Variants in DHH observed in about 807,000 individuals in gnomAD.
The protein encoded by DHH is desert hedgehog signaling molecule, also known as desert hedgehog protein.
DHH carries 16 observed loss-of-function variants against 27.6 expected under a neutral mutation model. The ratio of observed to expected loss-of-function variants is 0.58; its 90% confidence interval spans 0.39 to 0.88. The LOEUF (loss-of-function observed/expected upper bound fraction) is 0.88, where lower values mean the gene tolerates loss of function less well. DHH is among the 40% of genes least tolerant of loss of function. The pLI, the probability that DHH is intolerant of heterozygous loss-of-function variation, is 0.00. For missense variants in DHH, 436 were observed against 563.1 expected, an observed-to-expected ratio of 0.77 and a Z score of 2.28; for synonymous variants, 289 against 263.4, an observed-to-expected ratio of 1.10 and a Z score of -0.94.
rs1206690631 is a variant in DHH at position 49,090,195 on chromosome 12, G to A, written c.855C>T (p.Asp285=). ...AARGPAPAPG[D]FAPVFARRLR... ...GCCGGCGCGCGAACACCGGTGCAAA[G>A]TCGCCTGGCGCGGGCGCCGGCCCTC... Residue 285 remains aspartate, a synonymous_variant, in exon 3 of 3, where the codon GAC becomes GAT. Coordinates refer to ENST00000649637, the MANE Select transcript of DHH (RefSeq NM_021044.4). The surrounding 1 kb of genome is among the most constrained non-coding windows in gnomAD (Gnocchi z 5.2). 1 of 1,550,114 alleles carries A rather than the reference G, an allele frequency of 6.5e-7. No individual in the cohort carries two copies. The highest frequency in any genetic ancestry group is 8.7e-7 in the Non-Finnish European group (1 of 1,147,058).
rs2120814348 is a variant in DHH at position 49,088,192 on chromosome 12, A to G, written c.*1667T>C. Among the ~76,000 whole-genome samples, 1 of 152,266 alleles carries G rather than the reference A, an allele frequency of 6.6e-6. No homozygotes were observed. Among genetic ancestry groups the G allele is most frequent in the African/African-American group, 2.4e-5 (1 of 41,554 alleles). On this transcript the variant is annotated 3_prime_UTR_variant, in exon 3 of 3. Transcript: ENST00000649637. The stretch of plus-strand genomic sequence containing the variant: ...CAGGAACCACAGAGCTAAACTAGGC[A>G]GGAGTGATGTAAAAGTGCCATGGTT...
rs964387809 is a variant in DHH, at chr12:49,087,512, G to A, written c.*2347C>T. Among the ~76,000 whole-genome samples, 3 of 152,162 alleles carry A rather than the reference G, an allele frequency of 2.0e-5. No homozygotes were observed. Among genetic ancestry groups the A allele is most frequent in the African/African-American group, 4.8e-5 (2 of 41,438 alleles). On this transcript the variant is annotated 3_prime_UTR_variant, in exon 3 of 3. Coordinates refer to ENST00000649637, the MANE Select transcript of DHH (RefSeq NM_021044.4). ...GAGCCCAGGAGTTCAAGACCAGCCTGGGCAACGTAGCAAGACTCTGTCTCT... is the reference window on the plus strand; with the variant it reads ...GAGCCCAGGAGTTCAAGACCAGCCTAGGCAACGTAGCAAGACTCTGTCTCT...
chr12:49,094,087 G>A, intron 1 of DHH, 123 bp downstream of exon 1: 1 of 1,156,196 alleles, frequency 8.6e-7, no homozygotes, highest in Non-Finnish European at 1.2e-6. Flanking sequence ...TGGGGCTGGT[G>A]ACAAGGGAAA....
chr12:49,093,510 G>T (rs1489699676), intron 1 of DHH, among the ~76,000 whole-genome samples: 2 of 152,194 alleles, frequency 1.3e-5, no homozygotes, highest in Non-Finnish European at 2.9e-5. Context: ...TCCAAGGAAA[G>T]CCCCTGAGAT....
rs1939218268 is a variant in DHH at position 49,086,799 on chromosome 12, T to C, written c.*3060A>G. On this transcript the variant is annotated 3_prime_UTR_variant, in exon 3 of 3. Coordinates refer to ENST00000649637, the MANE Select transcript of DHH (RefSeq NM_021044.4). ...GGGACATGAAGAGTCAACTTCTATATGTAAGGAAGTCTGGACTACTACAGA... is the reference window on the plus strand; with the variant it reads ...GGGACATGAAGAGTCAACTTCTATACGTAAGGAAGTCTGGACTACTACAGA... Among the ~76,000 whole-genome samples, 1 of 152,242 alleles carries C rather than the reference T, an allele frequency of 6.6e-6. No homozygotes were observed. The highest frequency in any genetic ancestry group is 2.1e-4 in the South Asian group (1 of 4,836).
In DHH at chr12:49,094,350, G is replaced by T. The variant is rs1487803627; in HGVS notation, c.163C>A (p.Arg55=). The stretch of plus-strand genomic sequence containing the variant: ...GCTGGCCCACTGGCGCCCAGGGTCC[G>T]CTCTGGCACGCCGGGCACAAATTGC... The part of the protein sequence containing the change: ...YKQFVPGVPE[R]TLGASGPAEG... Residue 55 remains arginine, a synonymous_variant, in exon 1 of 3, where the codon CGG becomes AGG. Coordinates refer to ENST00000649637, the MANE Select transcript of DHH (RefSeq NM_021044.4). 1 of 1,613,054 alleles carries T rather than the reference G, an allele frequency of 6.2e-7. No individual in the cohort carries two copies. Among genetic ancestry groups the T allele is most frequent in the Non-Finnish European group, 8.5e-7 (1 of 1,179,908 alleles).
At position 49,091,419 on chromosome 12, in the gene DHH, C is replaced by A; in HGVS notation, c.304-30G>T. 1 of 1,612,520 alleles carries A rather than the reference C, an allele frequency of 6.2e-7. No individual in the cohort carries two copies. Among genetic ancestry groups the A allele is most frequent in the Non-Finnish European group, 8.5e-7 (1 of 1,179,736 alleles). On this transcript the variant is annotated intron_variant, in intron 1 of 2. Coordinates refer to ENST00000649637, the MANE Select transcript of DHH (RefSeq NM_021044.4). The surrounding 1 kb of genome is among the most constrained non-coding windows in gnomAD (Gnocchi z 4.8). The stretch of plus-strand genomic sequence containing the variant: ...CGGGGAATAAAGGAGTCAGTCTCCC[C>A]ACCACCACCCTTGGGGCAAAAGGGA...
rs370606481 is a variant in DHH, at chr12:49,087,021, G to C, written c.*2838C>G. Among the ~76,000 whole-genome samples, 4 of 152,184 alleles carry C rather than the reference G, an allele frequency of 2.6e-5. No individual in the cohort carries two copies. Among genetic ancestry groups the C allele is most frequent in the Non-Finnish European group, 5.9e-5 (4 of 68,036 alleles). On this transcript the variant is annotated 3_prime_UTR_variant, in exon 3 of 3. Coordinates refer to ENST00000649637, the MANE Select transcript of DHH (RefSeq NM_021044.4). ...CAGCACAATCCTTCTCAACCATCCT[G>C]TCACGGAGGTATCATTATCCCCAGA...
At position 49,086,846 on chromosome 12, in the gene DHH, G is replaced by C. The variant is rs943297794; in HGVS notation, c.*3013C>G. ...CAGAAATGCTGCTAGTATACCTCCA[G>C]CTTCTGAAAGTGCTGTGACAAAACC... On this transcript the variant is annotated 3_prime_UTR_variant, in exon 3 of 3. Coordinates refer to ENST00000649637, the MANE Select transcript of DHH (RefSeq NM_021044.4). Among the ~76,000 whole-genome samples the C allele has an allele frequency of 3.3e-5, 5 of 152,176 alleles. No individual in the cohort carries two copies. Among genetic ancestry groups the C allele is most frequent in the African/African-American group, 1.2e-4 (5 of 41,422 alleles).
rs201628124 is a variant in DHH at position 49,094,286 on chromosome 12, T to C, written c.227A>G (p.Asp76Gly). 106 of 1,613,252 alleles carry C rather than the reference T, an allele frequency of 6.6e-5. No homozygotes were observed. In the African/African-American group the frequency reaches 1.3e-3, roughly 20 times the overall value. ...GTCGGGGTTGTAGTTGGGCACGAGG[T>C]CCCGGAAGCGCTCGGAGCCCCTTGC... ...RVARGSERFR[D>G]LVPNYNPDII... is the part of the protein sequence containing the mutation. Residue 76 changes from aspartate to glycine, a missense_variant, in exon 1 of 3, where the codon GAC (aspartate) becomes GGC (glycine). Asp to Gly is a moderately conservative substitution (Grantham distance 94). Coordinates refer to ENST00000649637, the MANE Select transcript of DHH (RefSeq NM_021044.4).
chr12:49,088,186 C>T lies in DHH; in HGVS notation c.*1673G>A, dbSNP rs946966159. On this transcript the variant is annotated 3_prime_UTR_variant, in exon 3 of 3. Coordinates refer to ENST00000649637, the MANE Select transcript of DHH (RefSeq NM_021044.4). ...AGCTTCCAGGAACCACAGAGCTAAA[C>T]TAGGCAGGAGTGATGTAAAAGTGCC... 1.3e-5 allele frequency among the ~76,000 whole-genome samples: 2 copies of T among 152,106 alleles called. No homozygotes were observed. The highest frequency in any genetic ancestry group is 4.8e-5 in the African/African-American group (2 of 41,408).
rs572101516 is a variant in DHH at position 49,094,515 on chromosome 12, A to T, written c.-3T>A. 1.9e-6 allele frequency: 3 copies of T among 1,552,948 alleles called. No homozygotes were observed. In the South Asian group the frequency reaches 3.5e-5, roughly 18 times the overall value. On this transcript the variant is annotated 5_prime_UTR_variant, in exon 1 of 3. Coordinates refer to ENST00000649637, the MANE Select transcript of DHH (RefSeq NM_021044.4). ...AGTAGATTGGTCAGGAGAGCCATGG[A>T]TACAGCGGACCTCGGCCAAAAGGGA... is the stretch of plus-strand genomic sequence containing the variant.
rs373175837 is a variant in DHH at position 49,094,214 on chromosome 12, G to C, written c.299C>G (p.Thr100Ser). ...EENSGADRLMTERCKERVNAL... is the reference protein window; with the variant it reads ...EENSGADRLMSERCKERVNAL... ...GTAGGGAGAGGCCCTCCTTACCTCGGTCATCAGGCGGTCGGCTCCACTGTT... is the reference window on the plus strand; with the variant it reads ...GTAGGGAGAGGCCCTCCTTACCTCGCTCATCAGGCGGTCGGCTCCACTGTT... The change falls in exon 1 of 3, where the codon ACC (threonine) becomes AGC (serine). Residue 100 changes from threonine (T) to serine (S), a missense_variant. Coordinates refer to ENST00000649637, the MANE Select transcript of DHH (RefSeq NM_021044.4). 1.9e-6 allele frequency: 3 copies of C among 1,613,450 alleles called. No individual in the cohort carries two copies. Among genetic ancestry groups the C allele is most frequent in the Middle Eastern group, 1.7e-4 (1 of 6,056 alleles).
rs904899289 is a variant in DHH, at chr12:49,089,013, C to A, written c.*846G>T. On this transcript the variant is annotated 3_prime_UTR_variant, in exon 3 of 3. Coordinates refer to ENST00000649637, the MANE Select transcript of DHH (RefSeq NM_021044.4). ...GGCATATCAGAAAAAACATCCACCC[C>A]ATCCAGGCCCTGCCACCAAGGTAGG... is the stretch of plus-strand genomic sequence containing the variant. Among the ~76,000 whole-genome samples the A allele has an allele frequency of 1.3e-5, 2 of 152,224 alleles. No homozygotes were observed. Among genetic ancestry groups the A allele is most frequent in the Non-Finnish European group, 2.9e-5 (2 of 68,038 alleles).
Position 49,094,766 on chromosome 12 carries a change from C to T in DHH, c.-254G>A, listed in dbSNP as rs577191826. On this transcript the variant is annotated 5_prime_UTR_variant, in exon 1 of 3. Coordinates refer to ENST00000649637, the MANE Select transcript of DHH (RefSeq NM_021044.4). ...GGGGGGTCGTGGGTGAGTGCCAGCC[C>T]AGCCCGTCTCTGCTGCAGGACTCTG... is the stretch of plus-strand genomic sequence containing the variant. 3.1e-4 allele frequency: 181 copies of T among 588,426 alleles called. No individual in the cohort carries two copies. The highest frequency in any genetic ancestry group is 2.9e-4 in the Non-Finnish European group (97 of 329,158). 36.5% of individuals were successfully genotyped at this position (588,426 alleles called of 1,614,324 possible). A position where few individuals can be genotyped will look rare whatever the true frequency, so the allele number is the denominator to read the frequency against.
chr12:49,088,498 G>C lies in DHH; in HGVS notation c.*1361C>G, dbSNP rs1939242801. On this transcript the variant is annotated 3_prime_UTR_variant, in exon 3 of 3. Coordinates refer to ENST00000649637, the MANE Select transcript of DHH (RefSeq NM_021044.4). ...GCACAGCGGCTACTGGCAAGGGCGAGCTCCGGGTGGTACCAACAACCCCCG... is the reference window on the plus strand; with the variant it reads ...GCACAGCGGCTACTGGCAAGGGCGACCTCCGGGTGGTACCAACAACCCCCG... Among the ~76,000 whole-genome samples, 1 of 152,188 alleles carries C rather than the reference G, an allele frequency of 6.6e-6. No individual in the cohort carries two copies. Among genetic ancestry groups the C allele is most frequent in the Non-Finnish European group, 1.5e-5 (1 of 68,032 alleles).
chr12:49,092,506 C>T (rs1939323081), intron 1 of DHH, among the ~76,000 whole-genome samples: 1 of 152,122 alleles, frequency 6.6e-6, no homozygotes, highest in East Asian at 1.9e-4. Flanking sequence ...TCCTTTTTTT[C>T]TTTCCCCTCC....
At position 49,087,718 on chromosome 12, in the gene DHH, T is replaced by C. The variant is rs1349112004; in HGVS notation, c.*2141A>G. On this transcript the variant is annotated 3_prime_UTR_variant, in exon 3 of 3. Transcript: ENST00000649637. Reference sequence around the variant, plus strand: ...ATCCTGTCTCTTTAAAAAATACATGTATATATATATGCATTACCTGATTAC... The same window carrying C: ...ATCCTGTCTCTTTAAAAAATACATGCATATATATATGCATTACCTGATTAC... 6.6e-6 allele frequency among the ~76,000 whole-genome samples: 1 copy of C among 151,838 alleles called. No homozygotes were observed. The highest frequency in any genetic ancestry group is 1.5e-5 in the Non-Finnish European group (1 of 67,974).
rs1169675022 is a variant in DHH at position 49,089,531 on chromosome 12, C to T, written c.*328G>A. The stretch of plus-strand genomic sequence containing the variant: ...ACAGTGTTAATGCCATGCCCCAGCC[C>T]CTCACCTTGGCAAGCTGGGCAAGGG... On this transcript the variant is annotated 3_prime_UTR_variant, in exon 3 of 3. Coordinates refer to ENST00000649637, the MANE Select transcript of DHH (RefSeq NM_021044.4). The T allele has an allele frequency of 4.5e-6, 1 of 222,608 alleles. No individual in the cohort carries two copies. Among genetic ancestry groups the T allele is most frequent in the East Asian group, 8.8e-5 (1 of 11,352 alleles). The allele number at this position is 222,608 out of a possible 1,614,324, so 13.8% of individuals were successfully genotyped here. A position where few individuals can be genotyped will look rare whatever the true frequency, so the allele number is the denominator to read the frequency against.
Sources: allele counts gnomAD v4.1 joint callset (sites outside exome capture counted in the v4.1 genomes callset), GRCh38; gene constraint gnomAD v4.1.1; non-coding constraint Gnocchi (gnomAD v3.1); transcripts MANE v1.5; gene names NCBI Gene and HGNC (gene_info 2026-07-23, HGNC 2026-07-21).